TMEM163: variants seen among roughly 807,000 people sequenced by gnomAD.
The protein encoded by TMEM163 is transmembrane protein 163.
TMEM163 carries 17 observed loss-of-function variants against 29.3 expected under a neutral mutation model. That is an observed-to-expected ratio of 0.58 (90% CI 0.40 to 0.87). TMEM163 has a LOEUF of 0.87. TMEM163 is among the 40% of genes least tolerant of loss of function. The probability of loss-of-function intolerance (pLI) is 0.00; values close to 1 mark genes in which losing one functional copy is unlikely to be tolerated. For missense variants in TMEM163, 303 were observed against 381.5 expected (o/e 0.79, Z 1.71); for synonymous variants, 157 against 160.6 (o/e 0.98, Z 0.17).
intron 4 of TMEM163, among the ~76,000 whole-genome samples, chr2:134,510,049 A>G (rs1233341798): frequency 6.6e-6 from 1 of 152,124 alleles, no homozygotes. Flanking sequence ...AGTGGCCACA[A>G]AGAAAGGCCC....
At chr2:134,520,621 T>A (rs1680171191) in intron 4 of TMEM163, among the ~76,000 whole-genome samples, 1 of 152,246 alleles carries the variant, frequency 6.6e-6, no homozygotes, top group Admixed American at 6.5e-5. Context: ...ACACAAACAC[T>A]TCTTGTTTAC....
intron 2 of TMEM163, among the ~76,000 whole-genome samples, chr2:134,615,148 T>A (rs1364517688): frequency 6.6e-6 from 1 of 152,142 alleles, no homozygotes; most frequent in Middle Eastern, 3.2e-3. Context: ...GATTTCAATG[T>A]TTTTTGCACC....
chr2:134,491,997 C>T lies in TMEM163; in HGVS notation c.555+10904G>A, dbSNP rs192005543. ...GGTTTACGTGGTTAGCACCCTCCAGCCTGTGCCACCTGCTGGCACTTCATG... is the reference window on the plus strand; with the variant it reads ...GGTTTACGTGGTTAGCACCCTCCAGTCTGTGCCACCTGCTGGCACTTCATG... On this transcript the variant is annotated intron_variant, in intron 5 of 7. Coordinates refer to ENST00000281924, the MANE Select transcript of TMEM163 (RefSeq NM_030923.5). Among the ~76,000 whole-genome samples, 108 of 152,362 alleles carry T rather than the reference C, an allele frequency of 7.1e-4. 1 individual carries two copies. Among genetic ancestry groups the T allele is most frequent in the Admixed American group, 6.4e-3 (98 of 15,312 alleles).
intron 2 of TMEM163, among the ~76,000 whole-genome samples, chr2:134,650,516 G>T (rs538180473): frequency 1.6e-5 from 2 of 127,636 alleles, no homozygotes; most frequent in African/African-American, 7.3e-5. Flanking sequence ...TTTTTTGTTT[G>T]TTTGTTTGTT....
chr2:134,627,197 G>T (rs1024012050), intron 2 of TMEM163, among the ~76,000 whole-genome samples: 2 of 151,932 alleles, frequency 1.3e-5, no homozygotes, highest in African/African-American at 4.8e-5. Context: ...TGTGTCTCTG[G>T]TACAGTAGGG....
At chr2:134,624,925 A>T (rs1167093013) in intron 2 of TMEM163, among the ~76,000 whole-genome samples, 1 of 152,126 alleles carries the variant, frequency 6.6e-6, no homozygotes, top group Non-Finnish European at 1.5e-5. Context: ...ATAAAAATAA[A>T]AAATTTAAAA....
At chr2:134,664,230 T>G (rs1683823106) in intron 2 of TMEM163, among the ~76,000 whole-genome samples, 1 of 152,236 alleles carries the variant, frequency 6.6e-6, no homozygotes, top group Non-Finnish European at 1.5e-5. Context: ...TGGCTTGGAC[T>G]AATCTCTTCC....
intron 2 of TMEM163, among the ~76,000 whole-genome samples, chr2:134,653,841 A>C (rs912950377): frequency 3.2e-5 from 4 of 123,570 alleles, no homozygotes; most frequent in Non-Finnish European, 6.5e-5. Flanking sequence ...TTCAGTTTCC[A>C]TGTAGTTGAG....
chr2:134,572,560 G>A (rs976049322), intron 2 of TMEM163, among the ~76,000 whole-genome samples: 10 of 152,026 alleles, frequency 6.6e-5, no homozygotes, highest in African/African-American at 2.2e-4. Context: ...CTATTTCAAC[G>A]TCTTTATTTC....
chr2:134,635,470 A>C (rs1383114119), intron 2 of TMEM163, among the ~76,000 whole-genome samples: 1 of 152,174 alleles, frequency 6.6e-6, no homozygotes, highest in East Asian at 1.9e-4. Flanking sequence ...GGTATCTCAG[A>C]GTGACAAAAT....
intron 5 of TMEM163, among the ~76,000 whole-genome samples, chr2:134,472,215 A>C (rs1420666899): frequency 6.6e-6 from 1 of 152,264 alleles, no homozygotes; most frequent in African/African-American, 2.4e-5. Flanking sequence ...GTTAAGACAT[A>C]TTCAGGGGAA....
intron 2 of TMEM163, among the ~76,000 whole-genome samples, chr2:134,707,056 A>T (rs1684831083): frequency 6.6e-6 from 1 of 152,174 alleles, no homozygotes; most frequent in African/African-American, 2.4e-5. Flanking sequence ...AAGCACACCC[A>T]CAGGGAGCAC....
chr2:134,540,277 G>T (rs1411475024), intron 4 of TMEM163, among the ~76,000 whole-genome samples: 1 of 152,246 alleles, frequency 6.6e-6, no homozygotes, highest in Admixed American at 6.5e-5. Flanking sequence ...GCTGCCATCT[G>T]CCTGGGGACC....
At chr2:134,683,158 T>G (rs1012925615) in intron 2 of TMEM163, among the ~76,000 whole-genome samples, 2 of 152,200 alleles carry the variant, frequency 1.3e-5, no homozygotes, top group Admixed American at 6.5e-5. Context: ...TACATGATAC[T>G]ATAATGGTGG....
intron 2 of TMEM163, among the ~76,000 whole-genome samples, chr2:134,661,402 G>A (rs962270803): frequency 2.0e-5 from 3 of 152,154 alleles, no homozygotes; most frequent in African/African-American, 7.2e-5. Flanking sequence ...TTTTCACCAG[G>A]TATTTATTTG....
Position 134,705,426 on chromosome 2 carries a change from C to T in TMEM163, c.322+7774G>A, listed in dbSNP as rs559674172. 2.0e-4 allele frequency among the ~76,000 whole-genome samples: 31 copies of T among 152,154 alleles called. No individual in the cohort carries two copies. The East Asian group carries it at 2.7e-3, about 13-fold the overall frequency. ...ACACAAAGACACAGGGAGAAGACGG[C>T]GATCTATGAGCCAAGGAGAGAGGCC... On this transcript the variant is annotated intron_variant, in intron 2 of 7. Transcript: ENST00000281924.
chr2:134,502,877 G>C (rs1447135705), intron 5 of TMEM163, 24 bp downstream of exon 5: 2 of 1,609,146 alleles, frequency 1.2e-6, no homozygotes, highest in Middle Eastern at 1.7e-4. Flanking sequence ...AGGAAGGATT[G>C]TTAAGGAAGA....
intron 1 of TMEM163, 121 bp downstream of exon 1, chr2:134,718,613 G>C: frequency 1.4e-6 from 1 of 728,030 alleles, no homozygotes; most frequent in Non-Finnish European, 1.8e-6. Flanking sequence ...CGGGAAGTCG[G>C]GGCTCCGCGC....
At position 134,552,045 on chromosome 2, in the gene TMEM163, T is replaced by C. The variant is rs1384958998; in HGVS notation, c.366+3A>G. 5 of 1,613,194 alleles carry C rather than the reference T, an allele frequency of 3.1e-6. No individual in the cohort carries two copies. Among genetic ancestry groups the C allele is most frequent in the Non-Finnish European group, 4.2e-6 (5 of 1,179,542 alleles). On this transcript the variant is annotated splice_donor_region_variant and intron_variant, in intron 3 of 7. Coordinates refer to ENST00000281924, the MANE Select transcript of TMEM163 (RefSeq NM_030923.5). Reference sequence around the variant, plus strand: ...TGATGAAAGTACATTTCAGGTTACTTACTGCAAACCCAAAAGCAGAGGCGC... The same window carrying C: ...TGATGAAAGTACATTTCAGGTTACTCACTGCAAACCCAAAAGCAGAGGCGC...
Sources: gnomAD v4.1 joint callset for allele counts (sites outside exome capture counted in the v4.1 genomes callset) on GRCh38, gnomAD v4.1.1 for gene constraint, MANE v1.5 for transcripts, NCBI Gene and HGNC (gene_info 2026-07-23, HGNC 2026-07-21) for gene names.